Variants in SLC6A13 observed in about 807,000 individuals in gnomAD.
SLC6A13 encodes sodium- and chloride-dependent GABA transporter 2.
A neutral mutation model predicts 72.9 loss-of-function variants in SLC6A13; 69 were observed. The observed-to-expected ratio is 0.95, with a 90% confidence interval of 0.78 to 1.16. The LOEUF is 1.16. Among genes scored for constraint, SLC6A13 ranks in the 50% most tolerant of loss-of-function variants. The pLI is 0.00. For missense variants in SLC6A13, 735 were observed against 760.5 expected (o/e 0.97, Z 0.39); for synonymous variants, 303 against 303.0 (o/e 1.00, Z 0.00).
Position 226,505 on chromosome 12 carries a change from G to A in SLC6A13, c.945C>T (p.Ile315=), listed in dbSNP as rs76138594. The A allele has an allele frequency of 9.3e-6, 15 of 1,613,830 alleles. No individual in the cohort carries two copies. Among genetic ancestry groups the A allele is most frequent in the East Asian group, 4.5e-5 (2 of 44,868 alleles). ...TGCCGCTGTTGAGGAAGCAGAGGGCGATGCAGTCCCTGTGGGGCAGGGGTG... is the reference window on the plus strand; with the variant it reads ...TGCCGCTGTTGAGGAAGCAGAGGGCAATGCAGTCCCTGTGGGGCAGGGGTG... The part of the protein sequence containing the change: ...KYHNNCYRDC[I]ALCFLNSGTS... The change falls in exon 9 of 15, where the codon ATC becomes ATT. Residue 315 remains isoleucine (I), a synonymous_variant. Coordinates refer to ENST00000343164, the MANE Select transcript of SLC6A13 (RefSeq NM_016615.5).
At chr12:223,827 C>T (rs533169364) in intron 11 of SLC6A13, 165 bp downstream of exon 11, 45 of 725,386 alleles carry the variant, frequency 6.2e-5, no homozygotes, top group Middle Eastern at 7.8e-4. Flanking sequence ...AGAGGAGGGA[C>T]CTGCCTACTT....
chr12:252,585 A>G (rs1278627539), intron 2 of SLC6A13, among the ~76,000 whole-genome samples: 1 of 152,166 alleles, frequency 6.6e-6, no homozygotes, highest in African/African-American at 2.4e-5. Context: ...ACTAAGGGGG[A>G]CTTGATCATG....
In SLC6A13 at chr12:242,697, A is replaced by C; in HGVS notation, c.395T>G (p.Val132Gly). 6.2e-7 allele frequency: 1 copy of C among 1,610,286 alleles called. No homozygotes were observed. The highest frequency in any genetic ancestry group is 8.5e-7 in the Non-Finnish European group (1 of 1,178,288). ...VILLNVYYII[V>G]LAWALFYLFS... ...GAGGTAGAACAGGGCCCAGGCCAAC[A>C]CAATGATGTAGTAGACGTTGAGGAG... is the stretch of plus-strand genomic sequence containing the variant. Residue 132 changes from valine (V) to glycine (G), a missense_variant, in exon 4 of 15, where the codon GTG (valine) becomes GGG (glycine). Coordinates refer to ENST00000343164, the MANE Select transcript of SLC6A13 (RefSeq NM_016615.5).
intron 7 of SLC6A13, among the ~76,000 whole-genome samples, chr12:228,448 A>G (rs1170607938): frequency 6.6e-6 from 1 of 152,072 alleles, no homozygotes; most frequent in Non-Finnish European, 1.5e-5. Context: ...GCACCCCGCT[A>G]TGGACGCAGA....
At chr12:225,045 G>A (rs1223083147) in intron 9 of SLC6A13, among the ~76,000 whole-genome samples, 2 of 152,234 alleles carry the variant, frequency 1.3e-5, no homozygotes, top group Non-Finnish European at 2.9e-5. Context: ...AGCCCTTTCT[G>A]TCACCCTGCA....
At position 221,181 on chromosome 12, in the gene SLC6A13, A is replaced by G. The variant is rs1941192146; in HGVS notation, c.1687-111T>C. On this transcript the variant is annotated intron_variant, in intron 14 of 14. Transcript: ENST00000343164. Reference sequence around the variant, plus strand: ...CCACACACAAACCTGCCCTCCTGTCATCACAGCCCCTGTCTGGGAGTCCCC... The same window carrying G: ...CCACACACAAACCTGCCCTCCTGTCGTCACAGCCCCTGTCTGGGAGTCCCC... 2.1e-6 allele frequency: 3 copies of G among 1,414,534 alleles called. No individual in the cohort carries two copies. The Admixed American group carries it at 7.5e-5, about 35-fold the overall frequency. 87.6% of individuals were successfully genotyped at this position (1,414,534 alleles called of 1,614,324 possible).
At chr12:248,887 G>A (rs1339961056) in intron 2 of SLC6A13, among the ~76,000 whole-genome samples, 4 of 152,030 alleles carry the variant, frequency 2.6e-5, no homozygotes, top group Non-Finnish European at 4.4e-5. Flanking sequence ...CCATATCCTG[G>A]ACCAGAGATC....
At chr12:229,648 C>G (rs1261726597) in intron 7 of SLC6A13, among the ~76,000 whole-genome samples, 1 of 152,234 alleles carries the variant, frequency 6.6e-6, no homozygotes, top group African/African-American at 2.4e-5. Context: ...CGGGCGCCCC[C>G]TCCCAAAAAG....
In SLC6A13 at chr12:254,801, A is replaced by C. The variant is rs1942683117; in HGVS notation, c.202+5050T>G. 6.6e-6 allele frequency among the ~76,000 whole-genome samples: 1 copy of C among 152,190 alleles called. No individual in the cohort carries two copies. The highest frequency in any genetic ancestry group is 1.5e-5 in the Non-Finnish European group (1 of 68,048). ...CCATTTCCACATGGACATCTGATAG[A>C]TACCTCAACTCAACTTTCCCAAAAT... On this transcript the variant is annotated intron_variant, in intron 2 of 14. Coordinates refer to ENST00000343164, the MANE Select transcript of SLC6A13 (RefSeq NM_016615.5). This position sits in a 1 kb window ranked among gnomAD's most constrained non-coding sequence, Gnocchi z 4.4.
intron 4 of SLC6A13, among the ~76,000 whole-genome samples, chr12:241,018 G>T (rs1942145583): frequency 6.6e-6 from 1 of 152,172 alleles, no homozygotes; most frequent in Non-Finnish European, 1.5e-5. Flanking sequence ...GAGCAAGAAA[G>T]AATTGGGCTG....
At chr12:250,153 G>C (rs927475873) in intron 2 of SLC6A13, among the ~76,000 whole-genome samples, 4 of 152,106 alleles carry the variant, frequency 2.6e-5, no homozygotes, top group Admixed American at 2.6e-4. Context: ...CAACTTGATA[G>C]AGGGCATCTA....
Position 227,549 on chromosome 12 carries a change from C to T in SLC6A13, c.935+16G>A. On this transcript the variant is annotated intron_variant, in intron 8 of 14. Coordinates refer to ENST00000343164, the MANE Select transcript of SLC6A13 (RefSeq NM_016615.5). ...GAGATGCAGGTGTGTGGCTCAGGCC[C>T]CACGCCCCCAATCACCTGTAGCAGT... 1 of 1,613,544 alleles carries T rather than the reference C, an allele frequency of 6.2e-7. No individual in the cohort carries two copies. Among genetic ancestry groups the T allele is most frequent in the East Asian group, 2.2e-5 (1 of 44,880 alleles).
intron 2 of SLC6A13, among the ~76,000 whole-genome samples, chr12:257,586 C>A (rs1177588719): frequency 6.6e-6 from 1 of 152,126 alleles, no homozygotes; most frequent in Admixed American, 6.5e-5. Flanking sequence ...GAGACCACAG[C>A]CGCCGCCCTG....
intron 2 of SLC6A13, among the ~76,000 whole-genome samples, chr12:245,772 C>G (rs1202371760): frequency 1.3e-5 from 2 of 152,098 alleles, no homozygotes; most frequent in African/African-American, 4.8e-5. Context: ...ATCACGAGGT[C>G]AAGAGATCGA....
intron 7 of SLC6A13, 39 bp from the exon 8 acceptor site, chr12:227,707 A>G (rs1941522468): frequency 6.5e-7 from 1 of 1,538,032 alleles, no homozygotes; most frequent in Admixed American, 1.8e-5. Flanking sequence ...ACTCCCAGGA[A>G]AGCCAGGCCA....
chr12:259,630 T>C, intron 2 of SLC6A13: 1 of 1,428,594 alleles, frequency 7.0e-7, no homozygotes, highest in Non-Finnish European at 9.1e-7. Context: ...CTTGTGCTCA[T>C]ATTTCTACGA....
In SLC6A13 at chr12:224,401, C is replaced by T; in HGVS notation, c.1173G>A (p.Gln391=). 1 of 1,613,228 alleles carries T rather than the reference C, an allele frequency of 6.2e-7. No homozygotes were observed. Among genetic ancestry groups the T allele is most frequent in the Non-Finnish European group, 8.5e-7 (1 of 1,179,160 alleles). The change falls in exon 10 of 15, where the codon CAG becomes CAA. Residue 391 remains glutamine, a splice_region_variant and synonymous_variant. Transcript: ENST00000343164. The part of the protein sequence containing the change: ...FMVVLLGLDS[Q]FVCVESLVTA... ...CCTCTGAGTGGCTGCCTCTTGATAC[C>T]TGGCTATCCAGTCCCAGGAGAACGA...
At chr12:251,160 A>AC (rs1409358908) in intron 2 of SLC6A13, among the ~76,000 whole-genome samples, 3 of 151,052 alleles carry the variant, frequency 2.0e-5, no homozygotes, top group East Asian at 1.9e-4. Flanking sequence ...TGTCTCAAAA[A>AC]AAAACAAAAA....
At chr12:242,318 A>T (rs530922225) in intron 4 of SLC6A13, among the ~76,000 whole-genome samples, 48 of 152,342 alleles carry the variant, frequency 3.2e-4, no homozygotes, top group African/African-American at 1.1e-3. Context: ...AAATGAATGA[A>T]CAAAACATAT....
Sources: allele counts gnomAD v4.1 joint callset (sites outside exome capture counted in the v4.1 genomes callset), GRCh38; gene constraint gnomAD v4.1.1; non-coding constraint Gnocchi (gnomAD v3.1); transcripts MANE v1.5; gene names NCBI Gene and HGNC (gene_info 2026-07-23, HGNC 2026-07-21).